Variants in ARID5B observed in about 807,000 individuals in gnomAD.
ARID5B encodes AT-rich interaction domain 5B.
In ARID5B, 13 loss-of-function variants were observed where a neutral mutation model predicts 97.2. That is an observed-to-expected ratio of 0.13 (90% confidence interval 0.09 to 0.21). ARID5B has a LOEUF of 0.21. Among genes scored for constraint, ARID5B ranks in the 10% least tolerant of loss-of-function variants. The pLI, the probability that ARID5B is intolerant of heterozygous loss-of-function variation, is 1.00. For missense variants in ARID5B, 1,210 were observed against 1,465.3 expected (o/e 0.83, Z 2.84); for synonymous variants, 556 against 570.3 (o/e 0.97, Z 0.36).
At chr10:62,030,457 G>A (rs942434643) in intron 4 of ARID5B, among the ~76,000 whole-genome samples, 21 of 152,144 alleles carry the variant, frequency 1.4e-4, no homozygotes, top group African/African-American at 4.1e-4. Flanking sequence ...GTAAGGAACC[G>A]CACAACAGGA....
At chr10:61,948,368 A>G (rs566562110) in intron 3 of ARID5B, among the ~76,000 whole-genome samples, 69 of 130,500 alleles carry the variant, frequency 5.3e-4, no homozygotes, top group Non-Finnish European at 5.5e-4. Flanking sequence ...ATCTTAGGAT[A>G]CACTTTAGGT....
intron 8 of ARID5B, among the ~76,000 whole-genome samples, chr10:62,072,257 G>A (rs1384984673): frequency 1.3e-5 from 2 of 152,196 alleles, no homozygotes; most frequent in African/African-American, 2.4e-5. Context: ...GAGGACACGC[G>A]CTGAAACTGC....
chr10:61,934,413 A>G (rs1844262867), intron 2 of ARID5B, among the ~76,000 whole-genome samples: 1 of 152,236 alleles, frequency 6.6e-6, no homozygotes, highest in African/African-American at 2.4e-5. Context: ...CAAGAGGCCT[A>G]GCTTTCAGCC....
At chr10:61,911,392 T>G (rs1032257619) in intron 2 of ARID5B, among the ~76,000 whole-genome samples, 3 of 152,194 alleles carry the variant, frequency 2.0e-5, no homozygotes, top group African/African-American at 7.2e-5. Context: ...ATTTTGAATT[T>G]TTTATTAATA....
At chr10:62,048,402 GA>G (rs1839740058) in intron 4 of ARID5B, among the ~76,000 whole-genome samples, 1 of 152,048 alleles carries the variant, frequency 6.6e-6, no homozygotes, top group Admixed American at 6.6e-5. Flanking sequence ...GAGAAGGAGG[GA>G]AAAAAAGTTC....
intron 4 of ARID5B, among the ~76,000 whole-genome samples, chr10:62,045,933 C>T (rs1028189309): frequency 2.6e-5 from 4 of 152,190 alleles, no homozygotes; most frequent in African/African-American, 7.2e-5. Flanking sequence ...GTTAACGCTC[C>T]GCCGACTTCT....
At position 62,092,904 on chromosome 10, in the gene ARID5B, T is replaced by C. The variant is rs138233030; in HGVS notation, c.3441T>C (p.Ala1147=). Residue 1147 remains alanine (A), a synonymous_variant, in exon 10 of 10, where the codon GCT becomes GCC. Coordinates refer to ENST00000279873, the MANE Select transcript of ARID5B (RefSeq NM_032199.3). ...SQQLYRHLAA[A]TPVGSSYGDL... is the part of the protein sequence containing the mutation. ...AGCTGTACAGACACTTGGCTGCGGC[T>C]ACACCTGTAGGAAGTTCATATGGGG... is the stretch of plus-strand genomic sequence containing the variant. The C allele has an allele frequency of 3.1e-6, 5 of 1,614,128 alleles. No individual in the cohort carries two copies. In the African/African-American group the frequency reaches 6.7e-5, roughly 22 times the overall value.
intron 4 of ARID5B, among the ~76,000 whole-genome samples, chr10:62,020,478 T>A (rs1241505732): frequency 6.6e-6 from 1 of 152,218 alleles, no homozygotes; most frequent in East Asian, 1.9e-4. Context: ...TGACATCGGA[T>A]ATTCTTCAGA....
chr10:61,916,606 C>T (rs138127251), intron 2 of ARID5B, among the ~76,000 whole-genome samples: 68 of 152,180 alleles, frequency 4.5e-4, no homozygotes, highest in African/African-American at 1.5e-3. Flanking sequence ...GTAACTTGTC[C>T]GGGTTTCCAA....
Position 62,000,108 on chromosome 10 carries a change from A to G in ARID5B, c.520A>G (p.Thr174Ala), listed in dbSNP as rs1438016192. 7 of 1,613,792 alleles carry G rather than the reference A, an allele frequency of 4.3e-6. No homozygotes were observed. The highest frequency in any genetic ancestry group is 5.9e-6 in the Non-Finnish European group (7 of 1,179,876). The change falls in exon 4 of 10, where the codon ACG becomes GCG. Residue 174 changes from threonine (T) to alanine (A), a missense_variant. By Grantham distance (58) the Thr-to-Ala change is moderately conservative. Transcript: ENST00000279873. The surrounding 1 kb of genome is among the most constrained non-coding windows in gnomAD (Gnocchi z 4.4). ...KADLGEDEEE[T>A]NVIVLSYPQY... ...TTGTCTAGGGGAGGACGAGGAAGAAACGAACGTGATAGTTCTCAGCTACCC... is the reference window on the plus strand; with the variant it reads ...TTGTCTAGGGGAGGACGAGGAAGAAGCGAACGTGATAGTTCTCAGCTACCC...
chr10:61,999,926 G>C (rs373483797), intron 3 of ARID5B, among the ~76,000 whole-genome samples, 165 bp from the exon 4 acceptor site: 11 of 152,280 alleles, frequency 7.2e-5, no homozygotes, highest in African/African-American at 2.6e-4. Context: ...TGTGGGGCTG[G>C]ATGGGTGAAG....
intron 8 of ARID5B, among the ~76,000 whole-genome samples, chr10:62,079,429 T>A (rs1288611733): frequency 6.6e-6 from 1 of 152,180 alleles, no homozygotes; most frequent in East Asian, 1.9e-4. Context: ...GCATGCAGAG[T>A]GCCTGGTATT....
At chr10:62,057,093 T>C (rs368304831) in intron 5 of ARID5B, 24 bp from the exon 6 acceptor site, 2 of 1,611,822 alleles carry the variant, frequency 1.2e-6, no homozygotes. Context: ...CCTCGTCTGA[T>C]GTGGTATATT....
At chr10:61,992,655 C>A (rs1838942312) in intron 3 of ARID5B, among the ~76,000 whole-genome samples, 1 of 152,060 alleles carries the variant, frequency 6.6e-6, no homozygotes, top group South Asian at 2.1e-4. Flanking sequence ...CTGGGAAGAT[C>A]TGTGTTTCCA....
chr10:62,031,245 G>A (rs535174972), intron 4 of ARID5B, among the ~76,000 whole-genome samples: 1 of 152,278 alleles, frequency 6.6e-6, no homozygotes, highest in African/African-American at 2.4e-5. Context: ...AAAAAAGAGA[G>A]TAAATCTGAT....
At chr10:61,950,761 A>T (rs953273168) in intron 3 of ARID5B, among the ~76,000 whole-genome samples, 1 of 152,208 alleles carries the variant, frequency 6.6e-6, no homozygotes, top group Non-Finnish European at 1.5e-5. Context: ...TTGGAGGTGC[A>T]TGATGCTTTT....
chr10:62,055,391 C>T (rs1041052509), intron 5 of ARID5B, among the ~76,000 whole-genome samples: 3 of 152,088 alleles, frequency 2.0e-5, no homozygotes, highest in African/African-American at 4.8e-5. Flanking sequence ...CTACCTCATT[C>T]GGGTTTTAAG....
At chr10:62,024,681 T>C (rs1839398060) in intron 4 of ARID5B, 3 of 396,478 alleles carry the variant, frequency 7.6e-6, no homozygotes, top group Non-Finnish European at 1.3e-5. Context: ...GGGAGGCAGA[T>C]TAACTTCCCA....
chr10:62,049,395 C>G, intron 4 of ARID5B: 1 of 1,549,858 alleles, frequency 6.5e-7, no homozygotes, highest in Non-Finnish European at 8.7e-7. Flanking sequence ...CAAGTCGAGA[C>G]TTCCAGGGAT....
Sources: gnomAD v4.1 joint callset for allele counts (sites outside exome capture counted in the v4.1 genomes callset) on GRCh38, gnomAD v4.1.1 for gene constraint, Gnocchi (gnomAD v3.1) non-coding constraint, MANE v1.5 for transcripts, NCBI Gene and HGNC (gene_info 2026-07-23, HGNC 2026-07-21) for gene names.